Variants in PDK1 observed in about 807,000 individuals in gnomAD.
The protein encoded by PDK1 is pyruvate dehydrogenase kinase 1.
A neutral mutation model predicts 54.2 loss-of-function variants in PDK1; 39 were observed. The observed-to-expected ratio is 0.72, with a 90% CI of 0.56 to 0.94. PDK1 has a LOEUF of 0.94. PDK1 is among the 40% of genes least tolerant of loss of function. The pLI is 0.00. For synonymous variants in PDK1, 221 were observed against 207.1 expected (o/e 1.07, Z -0.58); for missense variants, 552 against 566.0 (o/e 0.98, Z 0.25).
chr2:172,627,015 T>C, the PDK1 span, among the ~76,000 whole-genome samples: 1 of 151,880 alleles, frequency 6.6e-6, no homozygotes, highest in East Asian at 1.9e-4. Flanking sequence ...TTCTAAAAGA[T>C]AGAGAAAAAA....
At chr2:172,660,281 G>A in the PDK1 span, among the ~76,000 whole-genome samples, 1 of 65,042 alleles carries the variant, frequency 1.5e-5, no homozygotes, top group Non-Finnish European at 3.1e-5. Context: ...TTTGGAGATG[G>A]AGCCTTGCTT....
the PDK1 span, among the ~76,000 whole-genome samples, chr2:172,692,904 A>G: frequency 6.6e-6 from 1 of 152,218 alleles, no homozygotes; most frequent in Non-Finnish European, 1.5e-5. Flanking sequence ...TCACCATTTT[A>G]TTACACAAAG....
intron 8 of PDK1, among the ~76,000 whole-genome samples, chr2:172,572,561 C>CA (rs1689340918): frequency 6.6e-6 from 1 of 151,986 alleles, no homozygotes; most frequent in Non-Finnish European, 1.5e-5. Context: ...CCCATCTCTA[C>CA]AAAAAATACA....
chr2:172,621,462 C>T, the PDK1 span, among the ~76,000 whole-genome samples: 3 of 151,338 alleles, frequency 2.0e-5, no homozygotes, highest in African/African-American at 7.3e-5. Context: ...TTTCCTTGCC[C>T]CTCAGCTTGC....
rs563152228 is a variant in PDK1 at position 172,586,188 on chromosome 2, C to A, written c.946-90C>A. The A allele has an allele frequency of 1.7e-5, 12 of 727,030 alleles. No homozygotes were observed. In the East Asian group the frequency reaches 3.0e-4, roughly 18 times the overall value. The allele number at this position is 727,030 out of a possible 1,614,324, so 45.0% of individuals were successfully genotyped here. A position where few individuals can be genotyped will look rare whatever the true frequency, so the allele number is the denominator to read the frequency against. On this transcript the variant is annotated intron_variant, in intron 8 of 10. Transcript: ENST00000282077. ...AAAAAAAAAAAAAGCGCTCTCCCACCAGCAGTTAAACTGTGATGCTATGAG... is the reference window on the plus strand; with the variant it reads ...AAAAAAAAAAAAAGCGCTCTCCCACAAGCAGTTAAACTGTGATGCTATGAG...
At position 172,556,246 on chromosome 2, in the gene PDK1, G is replaced by C; in HGVS notation, c.96G>C (p.Ser32=). ...AGFSRSFSSD[S]GSSPASERGV... is the part of the protein sequence containing the mutation. ...TCAGCCGCAGCTTCAGCTCGGACTC[G>C]GGCTCCAGCCCGGCGTCCGAGCGCG... Residue 32 remains serine (S), a synonymous_variant, in exon 1 of 11, where the codon TCG becomes TCC. Coordinates refer to ENST00000282077, the MANE Select transcript of PDK1 (RefSeq NM_002610.5). The C allele has an allele frequency of 6.8e-7, 1 of 1,469,190 alleles. No individual in the cohort carries two copies. The highest frequency in any genetic ancestry group is 9.0e-7 in the Non-Finnish European group (1 of 1,116,656). 91.0% of individuals were successfully genotyped at this position (1,469,190 alleles called of 1,614,324 possible).
chr2:172,711,573 A>T, the PDK1 span, among the ~76,000 whole-genome samples: 19,436 of 152,176 alleles, frequency 0.13, 1,344 homozygotes, highest in South Asian at 0.2. Context: ...CTGTCAAGAC[A>T]GCTCTCTATG....
At chr2:172,682,819 A>G in the PDK1 span, among the ~76,000 whole-genome samples, 1 of 152,232 alleles carries the variant, frequency 6.6e-6, no homozygotes, top group African/African-American at 2.4e-5. Flanking sequence ...TAGTCTAGGT[A>G]AGAAATGGTG....
chr2:172,724,013 A>G, the PDK1 span: 2 of 152,218 alleles, frequency 1.3e-5, no homozygotes, highest in Non-Finnish European at 1.5e-5. Flanking sequence ...TTCCTGTAAT[A>G]TTATATTATA....
At chr2:172,563,399 C>A (rs1045643725) in intron 3 of PDK1, among the ~76,000 whole-genome samples, 5 of 151,958 alleles carry the variant, frequency 3.3e-5, no homozygotes, top group African/African-American at 1.2e-4. Flanking sequence ...ACTAGGAATT[C>A]CAAAAATGTT....
intron 8 of PDK1, among the ~76,000 whole-genome samples, chr2:172,580,077 AT>A (rs34421752): frequency 4.0e-5 from 6 of 150,678 alleles, no homozygotes; most frequent in East Asian, 2.0e-4. Context: ...TAAGGATATT[AT>A]TTTTTTTTAA....
At chr2:172,571,823 C>G (rs1009725343) in intron 8 of PDK1, among the ~76,000 whole-genome samples, 6 of 99,784 alleles carry the variant, frequency 6.0e-5, no homozygotes, top group African/African-American at 2.3e-4. Flanking sequence ...TCTTTCTTTA[C>G]TTTTTTTTTT....
At chr2:172,635,639 A>G in the PDK1 span, among the ~76,000 whole-genome samples, 1 of 152,040 alleles carries the variant, frequency 6.6e-6, no homozygotes, top group African/African-American at 2.4e-5. Flanking sequence ...TGTTTTTTGT[A>G]TTCTTGATGC....
intron 9 of PDK1, among the ~76,000 whole-genome samples, chr2:172,586,906 A>G (rs1451608439): frequency 6.6e-6 from 1 of 152,176 alleles, no homozygotes; most frequent in African/African-American, 2.4e-5. Context: ...TTCAGGTTTA[A>G]TAGGATCAAC....
the PDK1 span, among the ~76,000 whole-genome samples, chr2:172,637,720 G>A: frequency 1.3e-5 from 2 of 151,952 alleles, no homozygotes; most frequent in African/African-American, 4.8e-5. Flanking sequence ...TATTGAGATG[G>A]AGTCTCGCTC....
At chr2:172,650,551 C>G in the PDK1 span, among the ~76,000 whole-genome samples, 1 of 151,614 alleles carries the variant, frequency 6.6e-6, no homozygotes, top group Non-Finnish European at 1.5e-5. Flanking sequence ...ATTGGATAGT[C>G]AAAATCCATT....
At chr2:172,647,665 G>A in the PDK1 span, among the ~76,000 whole-genome samples, 1 of 152,274 alleles carries the variant, frequency 6.6e-6, no homozygotes, top group Non-Finnish European at 1.5e-5. Context: ...AAATGTAAAA[G>A]GAATGCAGAA....
At chr2:172,637,738 C>T in the PDK1 span, among the ~76,000 whole-genome samples, 1 of 152,046 alleles carries the variant, frequency 6.6e-6, no homozygotes, top group Non-Finnish European at 1.5e-5. Context: ...CTCTGTCGTC[C>T]AGGCTAGAGT....
At chr2:172,558,543 G>A (rs1048106334) in intron 1 of PDK1, among the ~76,000 whole-genome samples, 165 bp from the exon 2 acceptor site, 3 of 152,148 alleles carry the variant, frequency 2.0e-5, no homozygotes, top group African/African-American at 4.8e-5. Flanking sequence ...CTCATCCCTC[G>A]CCTCCCACAG....
Sources: allele counts gnomAD v4.1 joint callset (sites outside exome capture counted in the v4.1 genomes callset), GRCh38; gene constraint gnomAD v4.1.1; transcripts MANE v1.5; gene names NCBI Gene and HGNC (gene_info 2026-07-23, HGNC 2026-07-21).